The following ADAMTS9 variants were observed in gnomAD, a reference collection of about 807,000 sequenced individuals.
ADAMTS9 encodes the protein ADAM metallopeptidase with thrombospondin type 1 motif 9.
Under a neutral mutation model 257.1 loss-of-function variants are expected in ADAMTS9, and 107 were observed. The ratio of observed to expected loss-of-function variants is 0.42; its 90% CI spans 0.36 to 0.49. The LOEUF is 0.49. Ranked by LOEUF, ADAMTS9 falls within the 20% of genes least tolerant of loss-of-function variation. The pLI, the probability that ADAMTS9 is intolerant of heterozygous loss-of-function variation, is 0.03. For synonymous variants in ADAMTS9, 982 were observed against 880.9 expected, an observed-to-expected ratio of 1.11 and a Z score of -2.03; for missense variants, 2,353 against 2,469.1, an observed-to-expected ratio of 0.95 and a Z score of 1.00.
chr3:64,620,220 A>G (rs1700073230), intron 19 of ADAMTS9, among the ~76,000 whole-genome samples: 3 of 152,126 alleles, frequency 2.0e-5, no homozygotes, highest in African/African-American at 7.2e-5. Flanking sequence ...TTAGTAGTCA[A>G]TCTCAGAACT....
chr3:64,559,281 A>G (rs572292878), intron 30 of ADAMTS9, among the ~76,000 whole-genome samples: 32 of 152,134 alleles, frequency 2.1e-4, no homozygotes, highest in Non-Finnish European at 3.5e-4. Flanking sequence ...TATGGGAAAC[A>G]TGAAGACTTT....
intron 16 of ADAMTS9, among the ~76,000 whole-genome samples, chr3:64,627,663 A>G (rs1487610400): frequency 6.6e-6 from 1 of 151,854 alleles, no homozygotes; most frequent in African/African-American, 2.4e-5. Context: ...CTAATGCCCA[A>G]CCTCCCACTA....
At chr3:64,614,076 C>T (rs1489083704) in intron 21 of ADAMTS9, among the ~76,000 whole-genome samples, 5 of 152,160 alleles carry the variant, frequency 3.3e-5, no homozygotes, top group South Asian at 2.1e-4. Context: ...CCCAAAATCT[C>T]GCTACCCAAG....
intron 28 of ADAMTS9, among the ~76,000 whole-genome samples, chr3:64,591,826 C>T (rs1159221928): frequency 2.0e-5 from 3 of 152,124 alleles, no homozygotes; most frequent in Non-Finnish European, 4.4e-5. Context: ...AGCAACCAGG[C>T]AGAAGGATTA....
At chr3:64,565,037 G>T (rs2106665251) in intron 29 of ADAMTS9, among the ~76,000 whole-genome samples, 1 of 152,270 alleles carries the variant, frequency 6.6e-6, no homozygotes, top group Admixed American at 6.5e-5. Flanking sequence ...TGAGGGTGTG[G>T]GTGAGAGGCC....
chr3:64,597,127 G>A, intron 26 of ADAMTS9, 136 bp from the exon 27 acceptor site: 8 of 1,169,902 alleles, frequency 6.8e-6, no homozygotes, highest in Non-Finnish European at 9.6e-6. Flanking sequence ...AAGCAATCAG[G>A]AAAACCCAAG....
intron 28 of ADAMTS9, among the ~76,000 whole-genome samples, chr3:64,576,496 T>C (rs2083851412): frequency 6.6e-6 from 1 of 151,952 alleles, no homozygotes; most frequent in Non-Finnish European, 1.5e-5. Context: ...ACAACCAAAA[T>C]ATTGAGGAAA....
At chr3:64,604,629 G>T (rs1002168083) in intron 23 of ADAMTS9, among the ~76,000 whole-genome samples, 12 of 152,230 alleles carry the variant, frequency 7.9e-5, no homozygotes, top group Non-Finnish European at 1.5e-5. Context: ...AAAAGGACAT[G>T]TAAGTCATGA....
intron 37 of ADAMTS9, among the ~76,000 whole-genome samples, chr3:64,538,046 A>G (rs1204403522): frequency 6.6e-6 from 1 of 152,198 alleles, no homozygotes; most frequent in Non-Finnish European, 1.5e-5. Flanking sequence ...GAAGATGATG[A>G]ATTTGCACTT....
At chr3:64,643,188 T>C (rs1700700070) in intron 11 of ADAMTS9, among the ~76,000 whole-genome samples, 1 of 152,080 alleles carries the variant, frequency 6.6e-6, no homozygotes, top group African/African-American at 2.4e-5. Flanking sequence ...TCTCTGGAAA[T>C]CACTTCATAT....
chr3:64,610,703 G>A (rs554463555), intron 22 of ADAMTS9, among the ~76,000 whole-genome samples: 1 of 152,094 alleles, frequency 6.6e-6, no homozygotes, highest in South Asian at 2.1e-4. Context: ...AGGATGTGGA[G>A]AGAATGGAAC....
At chr3:64,627,131 A>C (rs1175493042) in intron 16 of ADAMTS9, among the ~76,000 whole-genome samples, 3 of 152,184 alleles carry the variant, frequency 2.0e-5, no homozygotes, top group Non-Finnish European at 4.4e-5. Flanking sequence ...CGGTTCTGTA[A>C]ATCAAGTGAT....
At chr3:64,632,231 G>C (rs1248523684) in intron 14 of ADAMTS9, among the ~76,000 whole-genome samples, 2 of 152,028 alleles carry the variant, frequency 1.3e-5, no homozygotes, top group African/African-American at 2.4e-5. Context: ...ATAAAAGTTT[G>C]AAAAGCACTA....
At chr3:64,647,828 A>C (rs12715589) in intron 11 of ADAMTS9, 112 bp downstream of exon 11, 6 of 877,360 alleles carry the variant, frequency 6.8e-6, no homozygotes, top group African/African-American at 6.8e-5. Flanking sequence ...ATATTATGCA[A>C]GCTAAAACAG....
rs375266905 is a variant in ADAMTS9, at chr3:64,655,765, G to T, written c.1053+27C>A. On this transcript the variant is annotated intron_variant, in intron 5 of 39. Transcript: ENST00000498707. Reference sequence around the variant, plus strand: ...AGATATGCCATTTCGGATACAGATAGAAGAAAAAAGAAAAAAACTTTATTA... The same window carrying T: ...AGATATGCCATTTCGGATACAGATATAAGAAAAAAGAAAAAAACTTTATTA... The T allele has an allele frequency of 4.0e-5, 63 of 1,558,770 alleles. No individual in the cohort carries two copies. In the Middle Eastern group the frequency reaches 8.6e-4, roughly 21 times the overall value.
intron 11 of ADAMTS9, among the ~76,000 whole-genome samples, chr3:64,645,997 A>C (rs578198340): frequency 7.9e-4 from 120 of 152,348 alleles, no homozygotes; most frequent in Non-Finnish European, 1.2e-3. Context: ...CCATACTGCT[A>C]TCTGGAGCTT....
chr3:64,618,306 T>C (rs1245469580), intron 19 of ADAMTS9, among the ~76,000 whole-genome samples: 1 of 152,202 alleles, frequency 6.6e-6, no homozygotes, highest in South Asian at 2.1e-4. Context: ...TGGCCTATGA[T>C]CTGACGTGCT....
At chr3:64,653,463 T>C (rs534369423) in intron 8 of ADAMTS9, among the ~76,000 whole-genome samples, 86 of 152,342 alleles carry the variant, frequency 5.6e-4, no homozygotes, top group Admixed American at 2.1e-3. Flanking sequence ...CTGTTATATA[T>C]TGAGCTAAAT....
intron 27 of ADAMTS9, among the ~76,000 whole-genome samples, chr3:64,594,850 G>C (rs1262161824): frequency 1.3e-5 from 2 of 152,088 alleles, no homozygotes; most frequent in South Asian, 4.2e-4. Context: ...GCAGTGGCAC[G>C]ATCTCGGCTC....
Sources: allele counts gnomAD v4.1 joint callset (sites outside exome capture counted in the v4.1 genomes callset), GRCh38; gene constraint gnomAD v4.1.1; transcripts MANE v1.5; gene names NCBI Gene and HGNC (gene_info 2026-07-23, HGNC 2026-07-21).